RANBP2: variants seen among roughly 807,000 people sequenced by gnomAD.
The protein encoded by RANBP2 is E3 SUMO-protein ligase RanBP2.
A neutral mutation model predicts 303.6 loss-of-function variants in RANBP2; 57 were observed. The observed-to-expected ratio is 0.19, with a 90% CI of 0.15 to 0.23. The LOEUF (loss-of-function observed/expected upper bound fraction) is 0.23, where lower values mean the gene tolerates loss of function less well. Among genes scored for constraint, RANBP2 ranks in the 10% least tolerant of loss-of-function variants. The pLI is 1.00. For missense variants in RANBP2, 3,138 were observed against 3,780.8 expected, an observed-to-expected ratio of 0.83 and a Z score of 4.46; for synonymous variants, 1,167 against 1,301.5, an observed-to-expected ratio of 0.90 and a Z score of 2.23.
At chr2:109,490,536 CCT>C in the RANBP2 span, 1 of 1,248,850 alleles carries the variant, frequency 8.0e-7, no homozygotes, top group Non-Finnish European at 1.0e-6. Context: ...GATGCATTCC[CCT>C]CTCTCTGACA....
chr2:109,585,220 C>CT, the RANBP2 span: 6 of 1,612,840 alleles, frequency 3.7e-6, no homozygotes, highest in Non-Finnish European at 5.1e-6. Context: ...TATGTCTGAG[C>CT]TTTAAGTTTA....
the RANBP2 span, among the ~76,000 whole-genome samples, chr2:109,294,308 C>T: frequency 5.9e-5 from 9 of 152,124 alleles, no homozygotes; most frequent in Non-Finnish European, 1.3e-4. Context: ...TGCCTGTAAT[C>T]CCAGCACTTT....
chr2:109,595,012 G>A, the RANBP2 span: 35,495 of 151,616 alleles, frequency 0.23, 4,793 homozygotes, highest in East Asian at 0.4. Context: ...TCAGCCTCCC[G>A]AGCAGCTGGG....
At chr2:109,409,689 G>A in the RANBP2 span, among the ~76,000 whole-genome samples, 2 of 152,096 alleles carry the variant, frequency 1.3e-5, no homozygotes, top group Admixed American at 6.5e-5. Context: ...CCCGGCCACT[G>A]CCCTCCCCGA....
At chr2:108,773,646 A>AT (rs5833300) in intron 23 of RANBP2, among the ~76,000 whole-genome samples, 213 of 145,774 alleles carry the variant, frequency 1.5e-3, no homozygotes, top group Middle Eastern at 3.6e-3. Context: ...CCCTCCAGGA[A>AT]TTTTTTTTTT....
At chr2:109,404,213 C>A in the RANBP2 span, among the ~76,000 whole-genome samples, 1 of 152,230 alleles carries the variant, frequency 6.6e-6, no homozygotes, top group Non-Finnish European at 1.5e-5. Flanking sequence ...AGACTGACAC[C>A]CACACAGCCT....
chr2:109,720,584 C>T, the RANBP2 span, among the ~76,000 whole-genome samples: 1 of 152,220 alleles, frequency 6.6e-6, no homozygotes, highest in East Asian at 1.9e-4. Flanking sequence ...AATGCAGTTC[C>T]CCTACTGAAG....
the RANBP2 span, among the ~76,000 whole-genome samples, chr2:109,304,934 C>T: frequency 6.6e-6 from 1 of 152,190 alleles, no homozygotes; most frequent in African/African-American, 2.4e-5. Context: ...GGTTGGGTTT[C>T]TGTCCTGTCT....
the RANBP2 span, among the ~76,000 whole-genome samples, chr2:108,860,407 T>C: frequency 1.3e-5 from 2 of 152,134 alleles, no homozygotes; most frequent in Non-Finnish European, 2.9e-5. Flanking sequence ...ACCTGTTGTG[T>C]TCCAGATTTT....
At chr2:109,459,205 G>A in the RANBP2 span, among the ~76,000 whole-genome samples, 1 of 152,110 alleles carries the variant, frequency 6.6e-6, no homozygotes, top group Non-Finnish European at 1.5e-5. Context: ...AGATAAGAGA[G>A]AGAAGAAAAC....
At chr2:109,029,871 G>A in the RANBP2 span, among the ~76,000 whole-genome samples, 1 of 152,230 alleles carries the variant, frequency 6.6e-6, no homozygotes, top group Non-Finnish European at 1.5e-5. Flanking sequence ...TTCAGGGGCA[G>A]CCTCTTATTT....
intron 7 of RANBP2, among the ~76,000 whole-genome samples, chr2:108,741,706 G>GT (rs1696109043): frequency 6.7e-6 from 1 of 149,106 alleles, no homozygotes. Context: ...AAGAGACGGG[G>GT]TTTCACTGTG....
chr2:109,225,288 ATAG>A, the RANBP2 span, among the ~76,000 whole-genome samples: 1 of 152,252 alleles, frequency 6.6e-6, no homozygotes, highest in Non-Finnish European at 1.5e-5. Context: ...ATCCGGCTGA[ATAG>A]TCCTCAAACC....
the RANBP2 span, among the ~76,000 whole-genome samples, chr2:109,566,324 T>G: frequency 6.6e-6 from 1 of 152,018 alleles, no homozygotes; most frequent in Non-Finnish European, 1.5e-5. Context: ...TTTCACCATG[T>G]TGGCCAGGCT....
At chr2:108,724,470 TC>T (rs1694532881) in intron 1 of RANBP2, among the ~76,000 whole-genome samples, 1 of 152,214 alleles carries the variant, frequency 6.6e-6, no homozygotes, top group South Asian at 2.1e-4. Flanking sequence ...AATTTTTTTT[TC>T]GCAATTTTGA....
chr2:109,085,678 G>A, the RANBP2 span, among the ~76,000 whole-genome samples: 1 of 146,288 alleles, frequency 6.8e-6, no homozygotes, highest in Non-Finnish European at 1.5e-5. Flanking sequence ...TTGGCTCACT[G>A]CAACCTCTGC....
chr2:109,132,194 T>C, the RANBP2 span, among the ~76,000 whole-genome samples: 1 of 152,224 alleles, frequency 6.6e-6, no homozygotes, highest in Non-Finnish European at 1.5e-5. Flanking sequence ...AATATTACAG[T>C]CCCATCATTT....
chr2:109,705,216 C>T, the RANBP2 span, among the ~76,000 whole-genome samples: 1,537 of 152,084 alleles, frequency 0.01, 31 homozygotes, highest in African/African-American at 0.034. Context: ...ACCAGCCTGA[C>T]CAATATGGAG....
At chr2:109,139,045 G>A in the RANBP2 span, among the ~76,000 whole-genome samples, 4 of 152,214 alleles carry the variant, frequency 2.6e-5, no homozygotes, top group Non-Finnish European at 4.4e-5. Context: ...GGTGATGTCT[G>A]TGGATTTAAT....
Sources: allele counts gnomAD v4.1 joint callset (sites outside exome capture counted in the v4.1 genomes callset), GRCh38; gene constraint gnomAD v4.1.1; transcripts MANE v1.5; gene names NCBI Gene and HGNC (gene_info 2026-07-23, HGNC 2026-07-21).